SGMS1: variants seen among roughly 807,000 people sequenced by gnomAD.
SGMS1 encodes sphingomyelin synthase 1.
A neutral mutation model predicts 46.2 loss-of-function variants in SGMS1; 13 were observed. The ratio of observed to expected loss-of-function variants is 0.28; its 90% CI spans 0.18 to 0.45. The LOEUF is 0.45. Among genes scored for constraint, SGMS1 ranks in the 20% least tolerant of loss-of-function variants. The pLI is 1.00. For missense variants in SGMS1, 324 were observed against 519.9 expected, an observed-to-expected ratio of 0.62 and a Z score of 3.66; for synonymous variants, 203 against 187.8, an observed-to-expected ratio of 1.08 and a Z score of -0.66.
intron 6 of SGMS1, among the ~76,000 whole-genome samples, chr10:50,371,967 A>G (rs1037411092): frequency 6.6e-6 from 1 of 152,226 alleles, no homozygotes; most frequent in Non-Finnish European, 1.5e-5. Context: ...ACCTCAGAAC[A>G]CATTGCATTC....
intron 2 of SGMS1, among the ~76,000 whole-genome samples, chr10:50,556,833 G>A (rs1234092477): frequency 6.6e-6 from 1 of 152,174 alleles, no homozygotes; most frequent in African/African-American, 2.4e-5. Context: ...CCACTGACAA[G>A]TCCAAAGCAA....
chr10:50,394,255 T>C (rs1210209269), intron 6 of SGMS1, among the ~76,000 whole-genome samples: 1 of 152,218 alleles, frequency 6.6e-6, no homozygotes, highest in Non-Finnish European at 1.5e-5. Context: ...ACTTAAAGAT[T>C]CAGTGATGAT....
At chr10:50,575,073 A>G (rs1278561866) in intron 2 of SGMS1, among the ~76,000 whole-genome samples, 2 of 150,878 alleles carry the variant, frequency 1.3e-5, no homozygotes, top group African/African-American at 4.9e-5. Context: ...TAAGTGAAAT[A>G]AGTCAGTCAC....
chr10:50,316,345 C>A lies in SGMS1; in HGVS notation c.742-4930G>T, dbSNP rs144554352. The stretch of plus-strand genomic sequence containing the variant: ...CAATCGCTAATGCTGCAGCCTAGAG[C>A]AGCCCAGGAAAGTCAGCAAGGCAGA... On this transcript the variant is annotated intron_variant, in intron 8 of 10. Transcript: ENST00000361781. Among the ~76,000 whole-genome samples, 125 of 152,314 alleles carry A rather than the reference C, an allele frequency of 8.2e-4. 1 individual carries two copies. Among genetic ancestry groups the A allele is most frequent in the African/African-American group, 2.9e-3 (120 of 41,568 alleles).
chr10:50,499,019 C>CT (rs1056892418), intron 3 of SGMS1, among the ~76,000 whole-genome samples: 2 of 152,030 alleles, frequency 1.3e-5, no homozygotes, highest in African/African-American at 4.8e-5. Flanking sequence ...ACTGGTAATT[C>CT]TTTAAGTATT....
At chr10:50,594,544 T>TTA (rs1376357175) in intron 1 of SGMS1, among the ~76,000 whole-genome samples, 3 of 152,242 alleles carry the variant, frequency 2.0e-5, no homozygotes, top group Non-Finnish European at 2.9e-5. Context: ...TATAAAATTG[T>TTA]TATTTATTAC....
At chr10:50,475,225 A>AC (rs1837410033) in intron 3 of SGMS1, among the ~76,000 whole-genome samples, 1 of 152,178 alleles carries the variant, frequency 6.6e-6, no homozygotes, top group African/African-American at 2.4e-5. Context: ...AGAAAAGATA[A>AC]CCCCAAACAT....
chr10:50,602,566 C>T (rs1406818821), intron 1 of SGMS1, among the ~76,000 whole-genome samples: 1 of 152,190 alleles, frequency 6.6e-6, no homozygotes, highest in African/African-American at 2.4e-5. Context: ...AAACACTTAT[C>T]AGGCACTCTC....
intron 3 of SGMS1, among the ~76,000 whole-genome samples, chr10:50,511,729 T>C (rs1186973921): frequency 6.6e-6 from 1 of 152,144 alleles, no homozygotes; most frequent in Non-Finnish European, 1.5e-5. Flanking sequence ...CACAATGAAA[T>C]CTTATCAGAA....
chr10:50,580,475 C>T (rs1173532892), intron 2 of SGMS1, among the ~76,000 whole-genome samples: 5 of 151,256 alleles, frequency 3.3e-5, no homozygotes, highest in Admixed American at 6.6e-5. Flanking sequence ...GGAATCACCT[C>T]GGGGAAATTA....
At chr10:50,467,393 A>G (rs888543085) in intron 3 of SGMS1, among the ~76,000 whole-genome samples, 4 of 150,522 alleles carry the variant, frequency 2.7e-5, no homozygotes, top group Non-Finnish European at 5.9e-5. Context: ...ACCACAGACC[A>G]CATACATAAG....
chr10:50,597,943 C>T (rs189647244), intron 1 of SGMS1, among the ~76,000 whole-genome samples: 103 of 149,656 alleles, frequency 6.9e-4, no homozygotes, highest in Middle Eastern at 6.9e-3. Context: ...ACCCAGGAAG[C>T]GGAGGTTGCA....
intron 6 of SGMS1, among the ~76,000 whole-genome samples, chr10:50,406,448 G>A (rs1173401326): frequency 6.6e-6 from 1 of 152,128 alleles, no homozygotes; most frequent in Non-Finnish European, 1.5e-5. Flanking sequence ...GTTCTGGAAG[G>A]CAGATTTTTA....
chr10:50,513,574 C>A (rs928838133), intron 3 of SGMS1, among the ~76,000 whole-genome samples: 1 of 152,106 alleles, frequency 6.6e-6, no homozygotes, highest in Admixed American at 6.6e-5. Flanking sequence ...TAGCTCCAGA[C>A]CAGATAGGAT....
chr10:50,324,827 G>A (rs1228993606), intron 8 of SGMS1, among the ~76,000 whole-genome samples: 1 of 152,160 alleles, frequency 6.6e-6, no homozygotes, highest in African/African-American at 2.4e-5. Flanking sequence ...ATATTCTGTA[G>A]GACTATTAAT....
At chr10:50,332,012 A>G (rs925104122) in intron 7 of SGMS1, among the ~76,000 whole-genome samples, 28 of 152,218 alleles carry the variant, frequency 1.8e-4, no homozygotes, top group African/African-American at 5.8e-4. Flanking sequence ...CCTAAAATCC[A>G]TTCTGTTTAG....
intron 5 of SGMS1, among the ~76,000 whole-genome samples, chr10:50,436,547 A>G (rs1325577578): frequency 6.6e-6 from 1 of 152,182 alleles, no homozygotes; most frequent in Non-Finnish European, 1.5e-5. Context: ...AAAAAGAACA[A>G]TCTGGACGTA....
intron 3 of SGMS1, among the ~76,000 whole-genome samples, chr10:50,496,253 CTTTCTGCCTTTA>C (rs1319842991): frequency 1.3e-5 from 2 of 152,224 alleles, no homozygotes; most frequent in African/African-American, 4.8e-5. Flanking sequence ...CTCTAAATGT[CTTTCTGCCTTTA>C]TTGTCAAGCT....
At chr10:50,330,262 T>G (rs1847598826) in intron 7 of SGMS1, among the ~76,000 whole-genome samples, 1 of 151,808 alleles carries the variant, frequency 6.6e-6, no homozygotes, top group South Asian at 2.1e-4. Context: ...AAGATCAGCC[T>G]GGACAACATA....
Sources: gnomAD v4.1 joint callset for allele counts (sites outside exome capture counted in the v4.1 genomes callset) on GRCh38, gnomAD v4.1.1 for gene constraint, MANE v1.5 for transcripts, NCBI Gene and HGNC (gene_info 2026-07-23, HGNC 2026-07-21) for gene names.